Variants in PTPRM observed in about 807,000 individuals in gnomAD.
PTPRM encodes the protein receptor-type tyrosine-protein phosphatase mu.
Under a neutral mutation model 186.7 loss-of-function variants are expected in PTPRM, and 47 were observed. The observed-to-expected ratio is 0.25, with a 90% CI of 0.20 to 0.32. The LOEUF (loss-of-function observed/expected upper bound fraction) is 0.32, where lower values mean the gene tolerates loss of function less well. Among genes scored for constraint, PTPRM ranks in the 10% least tolerant of loss-of-function variants. PTPRM has a pLI of 1.00. For missense variants in PTPRM, 1,494 were observed against 1,865.0 expected (o/e 0.80, Z 3.66); for synonymous variants, 668 against 674.9 (o/e 0.99, Z 0.16).
chr18:7,689,371 A>G (rs1237977657), intron 1 of PTPRM, among the ~76,000 whole-genome samples: 1 of 152,148 alleles, frequency 6.6e-6, no homozygotes, highest in Non-Finnish European at 1.5e-5. Flanking sequence ...AGGTGCACGC[A>G]CCCTTGGAGC....
At chr18:8,270,375 G>C (rs984199927) in intron 19 of PTPRM, 1 of 152,050 alleles carries the variant, frequency 6.6e-6, no homozygotes, top group Non-Finnish European at 1.5e-5. Flanking sequence ...ACCACAATGA[G>C]ATATCACCTC....
intron 7 of PTPRM, among the ~76,000 whole-genome samples, chr18:8,044,097 C>A (rs2086865445): frequency 6.6e-6 from 1 of 152,176 alleles, no homozygotes. Context: ...GATCATCCTA[C>A]AGATGAAGCC....
At chr18:7,590,767 T>C (rs555482278) in intron 1 of PTPRM, among the ~76,000 whole-genome samples, 39 of 152,200 alleles carry the variant, frequency 2.6e-4, no homozygotes, top group Admixed American at 1.1e-3. Flanking sequence ...ATTTAACATG[T>C]TTATTGAAAA....
chr18:8,105,323 T>C (rs1230070895), intron 11 of PTPRM, among the ~76,000 whole-genome samples: 2 of 152,210 alleles, frequency 1.3e-5, no homozygotes, highest in Non-Finnish European at 2.9e-5. Context: ...AATAATACTC[T>C]GGATTCCTTT....
intron 14 of PTPRM, among the ~76,000 whole-genome samples, chr18:8,225,741 A>T (rs2094206040): frequency 2.0e-5 from 3 of 152,196 alleles, no homozygotes; most frequent in Admixed American, 2.0e-4. Context: ...TATCTTTATG[A>T]CCTCAGGGTA....
At chr18:8,363,775 T>A (rs2095611305) in intron 23 of PTPRM, among the ~76,000 whole-genome samples, 1 of 151,980 alleles carries the variant, frequency 6.6e-6, no homozygotes, top group African/African-American at 2.4e-5. Flanking sequence ...TTCATCAAGA[T>A]GAGGTAAGAG....
chr18:7,921,521 C>T (rs1316839354), intron 4 of PTPRM, among the ~76,000 whole-genome samples: 1 of 151,864 alleles, frequency 6.6e-6, no homozygotes, highest in Admixed American at 6.6e-5. Context: ...GCCGGGACTA[C>T]AGGCGCCTGC....
At chr18:8,046,839 A>T (rs549915597) in intron 7 of PTPRM, among the ~76,000 whole-genome samples, 1 of 152,216 alleles carries the variant, frequency 6.6e-6, no homozygotes, top group Admixed American at 6.5e-5. Flanking sequence ...CTCCAGACCC[A>T]TCCATACTCC....
chr18:7,769,990 C>T (rs1334912772), intron 1 of PTPRM, among the ~76,000 whole-genome samples: 6 of 152,010 alleles, frequency 3.9e-5, no homozygotes, highest in Admixed American at 3.9e-4. Context: ...TGGGTTTAGT[C>T]GTGATTTAGT....
rs184028529 is a variant in PTPRM, at chr18:7,857,801, G to A, written c.197-30305G>A. On this transcript the variant is annotated intron_variant, in intron 2 of 32. Coordinates refer to ENST00000580170, the MANE Select transcript of PTPRM (RefSeq NM_001105244.2). ...AGTAGAGGACTAGAACAAAGCCCTT[G>A]AATACAGAAATTTGAGGTGTGGGTG... Among the ~76,000 whole-genome samples, 348 of 152,270 alleles carry A rather than the reference G, an allele frequency of 2.3e-3. 1 individual carries two copies. The highest frequency in any genetic ancestry group is 7.9e-3 in the African/African-American group (327 of 41,552).
At chr18:8,328,108 A>G (rs113560027) in intron 22 of PTPRM, among the ~76,000 whole-genome samples, 1 of 152,192 alleles carries the variant, frequency 6.6e-6, no homozygotes, top group African/African-American at 2.4e-5. Flanking sequence ...TTTATTCCAC[A>G]TACTTCTGGT....
chr18:8,165,309 C>T (rs1005811170), intron 14 of PTPRM, among the ~76,000 whole-genome samples: 1 of 152,150 alleles, frequency 6.6e-6, no homozygotes, highest in African/African-American at 2.4e-5. Flanking sequence ...GGTACTTGTA[C>T]ACTTGGCTTG....
chr18:7,988,790 A>AT (rs1376319005), intron 7 of PTPRM, among the ~76,000 whole-genome samples: 1 of 152,104 alleles, frequency 6.6e-6, no homozygotes, highest in African/African-American at 2.4e-5. Flanking sequence ...GATATACCAC[A>AT]TTTTGTTTAT....
In PTPRM at chr18:7,690,572, G is replaced by T. The variant is rs149644331; in HGVS notation, c.74-83577G>T. Among the ~76,000 whole-genome samples the T allele has an allele frequency of 1.5e-3, 234 of 152,278 alleles. 1 individual carries two copies. The highest frequency in any genetic ancestry group is 5.3e-3 in the African/African-American group (222 of 41,566). ...ATGATTTGTTAGGTATTTTTAAAGT[G>T]AATGAAAGTTGACATTTAATAGGTT... On this transcript the variant is annotated intron_variant, in intron 1 of 32. Transcript: ENST00000580170.
chr18:8,188,560 G>C (rs78173387), intron 14 of PTPRM, among the ~76,000 whole-genome samples: 1,969 of 152,276 alleles, frequency 0.013, 52 homozygotes, highest in African/African-American at 0.044. Context: ...CCTATTGCCT[G>C]TGCCCAGCCC....
intron 7 of PTPRM, among the ~76,000 whole-genome samples, chr18:8,025,748 C>A (rs1449249234): frequency 6.6e-6 from 1 of 152,136 alleles, no homozygotes; most frequent in Non-Finnish European, 1.5e-5. Flanking sequence ...GTAATTAAAC[C>A]ATTCCGGATA....
At chr18:7,854,737 T>G (rs1421815448) in intron 2 of PTPRM, among the ~76,000 whole-genome samples, 4 of 151,856 alleles carry the variant, frequency 2.6e-5, no homozygotes, top group South Asian at 2.1e-4. Flanking sequence ...AGGAGTTTTT[T>G]TTTTTTTTTT....
intron 14 of PTPRM, among the ~76,000 whole-genome samples, chr18:8,178,187 C>T (rs1301184389): frequency 2.0e-5 from 3 of 152,080 alleles, no homozygotes; most frequent in Admixed American, 1.3e-4. Flanking sequence ...TTTTACATTA[C>T]CCACCCTCTC....
At position 8,069,694 on chromosome 18, in the gene PTPRM, C is replaced by T. The variant is rs753717359; in HGVS notation, c.1141C>T (p.Arg381Ter). 1 of 1,610,626 alleles carries T rather than the reference C, an allele frequency of 6.2e-7. No individual in the cohort carries two copies. ...TCTTCTTTTCTAAATAGATCCCATG[C>T]GAGGCCCAAGAAAACTAGAAGTAGT... The part of the protein sequence containing the change: ...RTRTKCADPM[R>*]GPRKLEVVEV... Residue 381 changes from arginine to a stop codon, truncating the protein, a stop_gained, in exon 8 of 33, where the codon CGA becomes TGA. Coordinates refer to ENST00000580170, the MANE Select transcript of PTPRM (RefSeq NM_001105244.2). LOFTEE classifies it high-confidence loss of function.
Sources: allele counts gnomAD v4.1 joint callset (sites outside exome capture counted in the v4.1 genomes callset), GRCh38; gene constraint gnomAD v4.1.1; transcripts MANE v1.5; gene names NCBI Gene and HGNC (gene_info 2026-07-23, HGNC 2026-07-21).